LIPE: variants seen among roughly 807,000 people sequenced by gnomAD.
LIPE encodes lipase E, hormone sensitive type.
LIPE carries 66 observed loss-of-function variants against 88.5 expected under a neutral mutation model. That is an observed-to-expected ratio of 0.75 (90% CI 0.61 to 0.91). The LOEUF is 0.91. Among genes scored for constraint, LIPE ranks in the 40% least tolerant of loss-of-function variants. The pLI is 0.00. For missense variants in LIPE, 1,346 were observed against 1,434.7 expected, an observed-to-expected ratio of 0.94 and a Z score of 1.00; for synonymous variants, 570 against 617.5, an observed-to-expected ratio of 0.92 and a Z score of 1.14.
At chr19:42,419,893 G>A (rs765287269) in intron 1 of LIPE, among the ~76,000 whole-genome samples, 12 of 152,060 alleles carry the variant, frequency 7.9e-5, no homozygotes, top group Non-Finnish European at 1.2e-4. Context: ...CTGTGCGTGT[G>A]TGTGTTTAAT....
rs2147591478 is a variant in LIPE at position 42,406,022 on chromosome 19, A to G, written c.2365+139T>C. Reference sequence around the variant, plus strand: ...CACACACACACACACACACACACGAAAAAAAAGGGACAAGGAGTCTTAGAT... The same window carrying G: ...CACACACACACACACACACACACGAGAAAAAAGGGACAAGGAGTCTTAGAT... On this transcript the variant is annotated intron_variant, in intron 7 of 9. Transcript: ENST00000244289. The surrounding 1 kb of genome is among the most constrained non-coding windows in gnomAD (Gnocchi z 5.7). 2 of 663,836 alleles carry G rather than the reference A, an allele frequency of 3.0e-6. No homozygotes were observed. The highest frequency in any genetic ancestry group is 2.7e-5 in the East Asian group (1 of 36,696). The allele number at this position is 663,836 out of a possible 1,614,324, so 41.1% of individuals were successfully genotyped here.
Position 42,402,034 on chromosome 19 carries a change from G to A in LIPE, c.3009C>T (p.Leu1003=), listed in dbSNP as rs1236533581. Residue 1003 remains leucine, a synonymous_variant, in exon 10 of 10, where the codon CTC becomes CTT. Coordinates refer to ENST00000244289, the MANE Select transcript of LIPE (RefSeq NM_005357.4). ...LDPMLDDSVM[L]ARRLRNLGQP... Reference sequence around the variant, plus strand: ...GGCCCAGGTTGCGCAGTCGCCGCGCGAGCATGACCGAGTCGTCCAGCATGG... The same window carrying A: ...GGCCCAGGTTGCGCAGTCGCCGCGCAAGCATGACCGAGTCGTCCAGCATGG... The A allele has an allele frequency of 4.6e-6, 7 of 1,531,486 alleles. No homozygotes were observed. Among genetic ancestry groups the A allele is most frequent in the Non-Finnish European group, 6.1e-6 (7 of 1,139,514 alleles). The allele number at this position is 1,531,486 out of a possible 1,614,324, so 94.9% of individuals were successfully genotyped here.
chr19:42,401,714 G>GGGCCC lies in LIPE; in HGVS notation c.*97_*98insGGGCC. On this transcript the variant is annotated 3_prime_UTR_variant, in exon 10 of 10. Transcript: ENST00000244289. The stretch of plus-strand genomic sequence containing the variant: ...TTTCGGGCCCCCGCCCCGCCCCCTT[G>GGGCCC]CCACCCCCGACTTAAGTAAGGCACA... The GGGCCC allele has an allele frequency of 1.4e-5, 2 of 143,856 alleles. No individual in the cohort carries two copies. Among genetic ancestry groups the GGGCCC allele is most frequent in the Non-Finnish European group, 1.1e-5 (1 of 89,266 alleles). The allele number at this position is 143,856 out of a possible 1,614,324, so 8.9% of individuals were successfully genotyped here.
chr19:42,412,351 G>A, intron 1 of LIPE: 1 of 985,882 alleles, frequency 1.0e-6, no homozygotes, highest in African/African-American at 1.7e-5. Flanking sequence ...TCTCTCAGCT[G>A]GCTGGACACT....
intron 8 of LIPE, among the ~76,000 whole-genome samples, chr19:42,404,099 C>T (rs1354385893): frequency 6.8e-6 from 1 of 146,854 alleles, no homozygotes; most frequent in Non-Finnish European, 1.5e-5. Flanking sequence ...GAGTCTTGCT[C>T]TGTTGCCCAG....
intron 1 of LIPE, chr19:42,423,264 C>G: frequency 6.8e-6 from 3 of 444,252 alleles, no homozygotes; most frequent in South Asian, 5.9e-5. Context: ...ACCCCCTTCT[C>G]ACAATGGATC....
rs766319573 is a variant in LIPE, at chr19:42,426,574, C to T, written c.576G>A (p.Gln192=). The change falls in exon 1 of 10, where the codon CAG becomes CAA. Residue 192 remains glutamine (Q), a synonymous_variant. Coordinates refer to ENST00000244289, the MANE Select transcript of LIPE (RefSeq NM_005357.4). ...EQSDKQTTPV[Q]GAKSKQGSLT... ...AAGATCCCTGCTTGGATTTGGCTCC[C>T]TGGACTGGCGTTGTTTGCTTGTCTG... The T allele has an allele frequency of 2.5e-6, 4 of 1,614,188 alleles. No homozygotes were observed. The highest frequency in any genetic ancestry group is 3.4e-6 in the Non-Finnish European group (4 of 1,180,034).
chr19:42,413,431 C>T (rs940608201), intron 1 of LIPE, among the ~76,000 whole-genome samples: 6 of 152,132 alleles, frequency 3.9e-5, no homozygotes, highest in African/African-American at 1.2e-4. Flanking sequence ...TTTGGGAGGC[C>T]GAGGCGGGCG....
intron 1 of LIPE, among the ~76,000 whole-genome samples, chr19:42,418,639 T>A (rs1318676033): frequency 6.6e-6 from 1 of 151,862 alleles, no homozygotes; most frequent in Non-Finnish European, 1.5e-5. Flanking sequence ...CATAGTGAGA[T>A]TCCGTCTCTA....
chr19:42,411,711 C>G (rs936588605), intron 1 of LIPE, among the ~76,000 whole-genome samples: 2 of 152,214 alleles, frequency 1.3e-5, no homozygotes, highest in Non-Finnish European at 2.9e-5. Context: ...TGCTTCTCCC[C>G]CAGTGGGGTC....
Position 42,408,365 on chromosome 19 carries a change from G to T in LIPE, c.1420-43C>A. ...TGCGTCACCCACCGCTCAAGAGAGGGATGGGGACAGGGCAGGAGCGAGGCA... is the reference window on the plus strand; with the variant it reads ...TGCGTCACCCACCGCTCAAGAGAGGTATGGGGACAGGGCAGGAGCGAGGCA... On this transcript the variant is annotated intron_variant, in intron 2 of 9. Transcript: ENST00000244289. The surrounding 1 kb of genome is among the most constrained non-coding windows in gnomAD (Gnocchi z 4.3). The T allele has an allele frequency of 6.6e-7, 1 of 1,521,640 alleles. No individual in the cohort carries two copies. Among genetic ancestry groups the T allele is most frequent in the Non-Finnish European group, 9.1e-7 (1 of 1,096,598 alleles). 94.3% of individuals were successfully genotyped at this position (1,521,640 alleles called of 1,614,324 possible).
chr19:42,419,419 C>A (rs963910422), intron 1 of LIPE, among the ~76,000 whole-genome samples: 1 of 152,190 alleles, frequency 6.6e-6, no homozygotes, highest in African/African-American at 2.4e-5. Context: ...CTGTTCCAGG[C>A]GGCTCCCCGA....
intron 1 of LIPE, chr19:42,424,287 A>T (rs2040664667): frequency 2.1e-6 from 1 of 468,610 alleles, no homozygotes; most frequent in South Asian, 1.5e-5. Context: ...AGGTAGAGGG[A>T]ACGACGCATG....
rs1213317008 is a variant in LIPE, at chr19:42,408,222, T to A, written c.1510+10A>T. 1 of 1,613,770 alleles carries A rather than the reference T, an allele frequency of 6.2e-7. No homozygotes were observed. Among genetic ancestry groups the A allele is most frequent in the African/African-American group, 1.3e-5 (1 of 74,868 alleles). On this transcript the variant is annotated intron_variant, in intron 3 of 9. Transcript: ENST00000244289. This position sits in a 1 kb window ranked among gnomAD's most constrained non-coding sequence, Gnocchi z 4.3. ...GAGTAGGCTGCGAGTAGAACCTGGC[T>A]GGGACTCACTGAGGCCTGTCTCGTT...
chr19:42,411,791 G>A (rs1483222239), intron 1 of LIPE, among the ~76,000 whole-genome samples: 2 of 152,174 alleles, frequency 1.3e-5, no homozygotes, highest in Admixed American at 6.5e-5. Context: ...CTGGAACAGC[G>A]ATACTCATCA....
In LIPE at chr19:42,406,516, G is replaced by A; in HGVS notation, c.2138-128C>T. ...GGGGTGTGGGGCACTCCAAGGCCTAGCAGACTGCAGTTTTAGAGACTGGCA... is the reference window on the plus strand; with the variant it reads ...GGGGTGTGGGGCACTCCAAGGCCTAACAGACTGCAGTTTTAGAGACTGGCA... On this transcript the variant is annotated intron_variant, in intron 6 of 9. Coordinates refer to ENST00000244289, the MANE Select transcript of LIPE (RefSeq NM_005357.4). The surrounding 1 kb of genome is among the most constrained non-coding windows in gnomAD (Gnocchi z 5.7). 1.4e-6 allele frequency: 1 copy of A among 709,934 alleles called. No individual in the cohort carries two copies. The highest frequency in any genetic ancestry group is 2.4e-6 in the Non-Finnish European group (1 of 413,104). The allele number at this position is 709,934 out of a possible 1,614,324, so 44.0% of individuals were successfully genotyped here. A position where few individuals can be genotyped will look rare whatever the true frequency, so the allele number is the denominator to read the frequency against.
At chr19:42,424,162 T>A in intron 1 of LIPE, 2 of 1,117,778 alleles carry the variant, frequency 1.8e-6, no homozygotes, top group Non-Finnish European at 2.3e-6. Context: ...GGGATCTTTC[T>A]CCCTCTGTCT....
rs1426530290 is a variant in LIPE at position 42,407,195 on chromosome 19, T to C, written c.2116A>G (p.Ile706Val). Residue 706 changes from isoleucine (I) to valine (V), a missense_variant, in exon 6 of 10, where the codon ATC becomes GTC. Coordinates refer to ENST00000244289, the MANE Select transcript of LIPE (RefSeq NM_005357.4). The surrounding 1 kb of genome is among the most constrained non-coding windows in gnomAD (Gnocchi z 5.8). ...TCACCAAGGAGGGCGCAGTGCTTGA[T>C]GGCCCAGCAGTAGGCGAAGAAGCAC... ...EECFFAYCWA[I>V]KHCALLGSTG... 2.6e-6 allele frequency: 4 copies of C among 1,528,840 alleles called. No individual in the cohort carries two copies. Among genetic ancestry groups the C allele is most frequent in the Admixed American group, 4.1e-5 (2 of 49,364 alleles). The allele number at this position is 1,528,840 out of a possible 1,614,324, so 94.7% of individuals were successfully genotyped here.
At position 42,401,999 on chromosome 19, in the gene LIPE, G is replaced by A. The variant is rs1171556939; in HGVS notation, c.3044C>T (p.Thr1015Met). The A allele has an allele frequency of 1.9e-6, 3 of 1,553,112 alleles. No individual in the cohort carries two copies. The highest frequency in any genetic ancestry group is 2.6e-6 in the Non-Finnish European group (3 of 1,151,036). Residue 1015 changes from threonine to methionine, a missense_variant, in exon 10 of 10, where the codon ACG becomes ATG. By Grantham distance (81) the Thr-to-Met change is moderately conservative. Coordinates refer to ENST00000244289, the MANE Select transcript of LIPE (RefSeq NM_005357.4). ...RRLRNLGQPV[T>M]LRVVEDLPHG... ...CGGCAGGTCCTCCACCACGCGCAGCGTCACCGGCTGGCCCAGGTTGCGCAG... is the reference window on the plus strand; with the variant it reads ...CGGCAGGTCCTCCACCACGCGCAGCATCACCGGCTGGCCCAGGTTGCGCAG...
Sources: gnomAD v4.1 joint callset for allele counts (sites outside exome capture counted in the v4.1 genomes callset) on GRCh38, gnomAD v4.1.1 for gene constraint, Gnocchi (gnomAD v3.1) non-coding constraint, MANE v1.5 for transcripts, NCBI Gene and HGNC (gene_info 2026-07-23, HGNC 2026-07-21) for gene names.